Variants in SLC44A5 observed in about 807,000 individuals in gnomAD.
SLC44A5 encodes solute carrier family 44 member 5, also known as choline transporter-like protein 5.
SLC44A5 carries 57 observed loss-of-function variants against 101.8 expected under a neutral mutation model. The observed-to-expected ratio is 0.56, with a 90% CI of 0.45 to 0.70. The LOEUF (loss-of-function observed/expected upper bound fraction) is 0.70, where lower values mean the gene tolerates loss of function less well. Among genes scored for constraint, SLC44A5 ranks in the 30% least tolerant of loss-of-function variants. The probability of loss-of-function intolerance (pLI) is 0.00; values close to 1 mark genes in which losing one functional copy is unlikely to be tolerated. For missense variants in SLC44A5, 737 were observed against 853.1 expected (o/e 0.86, Z 1.70); for synonymous variants, 281 against 290.9 (o/e 0.97, Z 0.35).
chr1:75,596,863 G>T (rs1001821315), intron 1 of SLC44A5, among the ~76,000 whole-genome samples: 13 of 152,080 alleles, frequency 8.5e-5, no homozygotes, highest in Non-Finnish European at 1.9e-4. Context: ...GACAAAAGCT[G>T]GAAGCATTCT....
intron 2 of SLC44A5, among the ~76,000 whole-genome samples, chr1:75,459,258 A>G (rs527912152): frequency 4.6e-5 from 7 of 152,348 alleles, no homozygotes; most frequent in Admixed American, 6.5e-5. Context: ...TTGACATCCC[A>G]TGGAAAGAAA....
the SLC44A5 span, among the ~76,000 whole-genome samples, chr1:75,656,231 C>A: frequency 0.26 from 39,797 of 152,134 alleles, 6,478 homozygotes; most frequent in East Asian, 0.68. Flanking sequence ...TTAATCACCA[C>A]CAGACCTGTC....
At chr1:75,558,090 A>G (rs189285408) in intron 1 of SLC44A5, among the ~76,000 whole-genome samples, 65 of 152,226 alleles carry the variant, frequency 4.3e-4, no homozygotes, top group Admixed American at 1.6e-3. Context: ...GATAACTGCT[A>G]CAGTAAATTT....
At chr1:75,224,552 C>A (rs1253162373) in intron 13 of SLC44A5, among the ~76,000 whole-genome samples, 3 of 151,804 alleles carry the variant, frequency 2.0e-5, no homozygotes, top group Non-Finnish European at 4.4e-5. Context: ...CTGTGTAGGT[C>A]TAGGATAATG....
intron 2 of SLC44A5, among the ~76,000 whole-genome samples, chr1:75,464,424 C>CAA (rs142614139): frequency 6.6e-6 from 1 of 151,260 alleles, no homozygotes; most frequent in Non-Finnish European, 1.5e-5. Flanking sequence ...AATGGATACA[C>CAA]AAAAAATAAG....
At chr1:75,345,260 A>C (rs1658164721) in intron 3 of SLC44A5, among the ~76,000 whole-genome samples, 1 of 150,508 alleles carries the variant, frequency 6.6e-6, no homozygotes, top group Admixed American at 6.6e-5. Flanking sequence ...AAAGGAAGTA[A>C]GGGAGAAAGT....
At position 75,218,743 on chromosome 1, in the gene SLC44A5, T is replaced by C. The variant is rs760446780; in HGVS notation, c.1276A>G (p.Thr426Ala). The C allele has an allele frequency of 6.2e-7, 1 of 1,609,722 alleles. No homozygotes were observed. The highest frequency in any genetic ancestry group is 8.5e-7 in the Non-Finnish European group (1 of 1,178,258). Residue 426 changes from threonine (T) to alanine (A), a missense_variant, in exon 17 of 24, where the codon ACA becomes GCA. This residue lies in a region of SLC44A5 where 665 missense variants were observed against 764.4 expected (regional missense o/e 0.87). Coordinates refer to ENST00000370859, the MANE Select transcript of SLC44A5 (RefSeq NM_001130058.2). ...GGGCAAGCTTTGGCAATTTCAGTTG[T>C]ATTAAAAATCTGCATTGAGAAAAAG... The part of the protein sequence containing the change: ...NQTCDPEIFN[T>A]TEIAKACPGA...
intron 2 of SLC44A5, among the ~76,000 whole-genome samples, chr1:75,504,745 T>G (rs796296293): frequency 6.6e-5 from 10 of 152,274 alleles, no homozygotes; most frequent in African/African-American, 2.4e-4. Context: ...GGCAAAATCA[T>G]TATCTTCTTT....
At position 75,422,214 on chromosome 1, in the gene SLC44A5, T is replaced by C. The variant is rs369261080; in HGVS notation, c.14-25593A>G. On this transcript the variant is annotated intron_variant, in intron 2 of 23. Transcript: ENST00000370859. ...TTTCTGGAGTGAATACTAATGAGCA[T>C]TGAAGCCTCCAGGTTAGAGTCATCT... Among the ~76,000 whole-genome samples, 73 of 152,300 alleles carry C rather than the reference T, an allele frequency of 4.8e-4. No homozygotes were observed. In the South Asian group the frequency reaches 0.013, roughly 28 times the overall value.
intron 5 of SLC44A5, among the ~76,000 whole-genome samples, chr1:75,297,420 G>T (rs775290070): frequency 1.3e-5 from 2 of 152,070 alleles, no homozygotes; most frequent in Admixed American, 6.6e-5. Flanking sequence ...GAGTAGCTGA[G>T]ACTACAGGAG....
chr1:75,337,752 G>T (rs1231194047), intron 4 of SLC44A5, among the ~76,000 whole-genome samples: 1 of 152,068 alleles, frequency 6.6e-6, no homozygotes, highest in Non-Finnish European at 1.5e-5. Flanking sequence ...TCATCCCTTC[G>T]CCTTTTCTCA....
At chr1:75,359,808 T>A (rs887779629) in intron 3 of SLC44A5, among the ~76,000 whole-genome samples, 8 of 152,168 alleles carry the variant, frequency 5.3e-5, no homozygotes, top group Non-Finnish European at 7.3e-5. Context: ...AGGGTTTGCT[T>A]TTCTCTACAT....
intron 1 of SLC44A5, among the ~76,000 whole-genome samples, chr1:75,589,562 T>C (rs1477141719): frequency 1.3e-5 from 2 of 152,146 alleles, no homozygotes; most frequent in Non-Finnish European, 2.9e-5. Context: ...TTAACAACTA[T>C]CTACACAGGG....
chr1:75,403,426 C>T (rs1662631386), intron 2 of SLC44A5, among the ~76,000 whole-genome samples: 2 of 152,178 alleles, frequency 1.3e-5, no homozygotes, highest in South Asian at 4.1e-4. Context: ...CAGGGGTCGA[C>T]AGACACCTAA....
At chr1:75,212,874 T>C (rs1646886176) in intron 22 of SLC44A5, among the ~76,000 whole-genome samples, 1 of 152,142 alleles carries the variant, frequency 6.6e-6, no homozygotes, top group Admixed American at 6.5e-5. Flanking sequence ...TTCACCCAGA[T>C]CTACACTGCC....
chr1:75,319,624 A>T (rs1396957912), intron 4 of SLC44A5, among the ~76,000 whole-genome samples: 1 of 152,232 alleles, frequency 6.6e-6, no homozygotes, highest in Non-Finnish European at 1.5e-5. Context: ...AAGAGGCAAG[A>T]CTATGACGGC....
chr1:75,663,809 G>T, the SLC44A5 span, among the ~76,000 whole-genome samples: 1 of 152,092 alleles, frequency 6.6e-6, no homozygotes, highest in Admixed American at 6.5e-5. Context: ...CATATCCTAT[G>T]AAGCCAGTAC....
chr1:75,521,959 G>A (rs1202783559), intron 2 of SLC44A5: 1 of 152,280 alleles, frequency 6.6e-6, no homozygotes, highest in African/African-American at 2.4e-5. Flanking sequence ...AAATAATAGA[G>A]GAAAAAGACA....
chr1:75,423,206 T>C (rs1557769594), intron 2 of SLC44A5, among the ~76,000 whole-genome samples: 1 of 152,200 alleles, frequency 6.6e-6, no homozygotes, highest in East Asian at 1.9e-4. Context: ...CTCACACATA[T>C]GGCAATTTCA....
Sources: gnomAD v4.1 joint callset for allele counts (sites outside exome capture counted in the v4.1 genomes callset) on GRCh38, gnomAD v4.1.1 for gene constraint, gnomAD v4.1.1 regional missense constraint, MANE v1.5 for transcripts, NCBI Gene and HGNC (gene_info 2026-07-23, HGNC 2026-07-21) for gene names.